CD5L: variants seen among roughly 807,000 people sequenced by gnomAD.
The protein encoded by CD5L is CD5 molecule like, also known as CD5 antigen-like.
Under a neutral mutation model 40.8 loss-of-function variants are expected in CD5L, and 39 were observed. That is an observed-to-expected ratio of 0.96 (90% CI 0.74 to 1.25). The LOEUF is 1.25. Among genes scored for constraint, CD5L ranks in the 50% most tolerant of loss-of-function variants. The pLI, the probability that CD5L is intolerant of heterozygous loss-of-function variation, is 0.00. For missense variants in CD5L, 433 were observed against 435.9 expected (o/e 0.99, Z 0.06); for synonymous variants, 192 against 169.6 (o/e 1.13, Z -1.03).
downstream of CD5L, among the ~76,000 whole-genome samples, chr1:157,827,500 T>G (rs1317903746): frequency 6.6e-6 from 1 of 152,094 alleles, no homozygotes; most frequent in Non-Finnish European, 1.5e-5. Context: ...CAAGTATAAG[T>G]CCCAGTCCAA....
downstream of CD5L, among the ~76,000 whole-genome samples, chr1:157,829,632 A>G (rs1316452615): frequency 3.3e-5 from 5 of 152,246 alleles, no homozygotes; most frequent in Non-Finnish European, 5.9e-5. Context: ...TATAAATGCA[A>G]TGAGAGTCTA....
At position 157,841,798 on chromosome 1, in the gene CD5L, G is replaced by C. The variant is rs1350811224; in HGVS notation, c.-97C>G. On this transcript the variant is annotated 5_prime_UTR_variant, in exon 1 of 6. Transcript: ENST00000368174. ...TTTAGCTGCAAGTATGTTAAGAGGA[G>C]GGACAAAGACAGGTCCTGAGTGCAG... 11 of 1,038,222 alleles carry C rather than the reference G, an allele frequency of 1.1e-5. No homozygotes were observed. The highest frequency in any genetic ancestry group is 1.5e-6 in the Non-Finnish European group (1 of 675,976). 64.3% of individuals were successfully genotyped at this position (1,038,222 alleles called of 1,614,324 possible). A position where few individuals can be genotyped will look rare whatever the true frequency, so the allele number is the denominator to read the frequency against.
In CD5L at chr1:157,834,495, T is replaced by C. The variant is rs1192712088; in HGVS notation, c.630A>G (p.Gly210=). The C allele has an allele frequency of 6.2e-7, 1 of 1,614,098 alleles. No homozygotes were observed. Among genetic ancestry groups the C allele is most frequent in the Non-Finnish European group, 8.5e-7 (1 of 1,180,048 alleles). ...PIWLSQMSCS[G]REATLQDCPS... is the part of the protein sequence containing the mutation. The stretch of plus-strand genomic sequence containing the variant: ...GGCAATCCTGAAGGGTTGCTTCTCG[T>C]CCTGAGCATGACATCTGGCTCAGCC... Residue 210 remains glycine, a synonymous_variant, in exon 4 of 6, where the codon GGA becomes GGG. Coordinates refer to ENST00000368174, the MANE Select transcript of CD5L (RefSeq NM_005894.3).
In CD5L at chr1:157,834,750, T is replaced by C; in HGVS notation, c.377-2A>G. ...CTGGGGAGAAAGAGCTCTCTGGGTC[T>C]GAGGGGAAAGAAAGAGAGCGTGTCT... On this transcript the variant is annotated splice_acceptor_variant, in intron 3 of 5. Coordinates refer to ENST00000368174, the MANE Select transcript of CD5L (RefSeq NM_005894.3). LOFTEE classifies it high-confidence loss of function. The C allele has an allele frequency of 6.2e-7, 1 of 1,610,390 alleles. No homozygotes were observed. Among genetic ancestry groups the C allele is most frequent in the South Asian group, 1.1e-5 (1 of 90,990 alleles).
downstream of CD5L, among the ~76,000 whole-genome samples, chr1:157,829,141 A>C (rs1461201959): frequency 1.3e-5 from 2 of 152,240 alleles, no homozygotes; most frequent in African/African-American, 2.4e-5. Flanking sequence ...TTGTTAGAGG[A>C]CAAGAGTAGC....
At chr1:157,840,267 G>A (rs1656332790) in intron 1 of CD5L, among the ~76,000 whole-genome samples, 1 of 152,018 alleles carries the variant, frequency 6.6e-6, no homozygotes. Flanking sequence ...CAGGATCTCT[G>A]TATATTTGGA....
chr1:157,828,035 G>A (rs760907438), downstream of CD5L, among the ~76,000 whole-genome samples: 10 of 152,226 alleles, frequency 6.6e-5, no homozygotes, highest in Non-Finnish European at 1.5e-4. Context: ...CCATTTCACA[G>A]TATAACTCAA....
chr1:157,835,241 A>G (rs2101938066), intron 3 of CD5L, among the ~76,000 whole-genome samples: 1 of 152,360 alleles, frequency 6.6e-6, no homozygotes, highest in African/African-American at 2.4e-5. Flanking sequence ...AAGAGGAGCC[A>G]TGGACTAGCT....
chr1:157,841,596 G>A, intron 1 of CD5L, 78 bp downstream of exon 1: 6 of 1,243,220 alleles, frequency 4.8e-6, no homozygotes, highest in African/African-American at 1.5e-5. Flanking sequence ...TCTGTTCCAG[G>A]TTGGCGGGGA....
At chr1:157,827,818 G>A (rs1409177188), downstream of CD5L, among the ~76,000 whole-genome samples, 1 of 152,188 alleles carries the variant, frequency 6.6e-6, no homozygotes, top group Non-Finnish European at 1.5e-5. Context: ...AAATAACTAA[G>A]ACAGAGCTCA....
At chr1:157,830,103 C>T (rs973883373), downstream of CD5L, among the ~76,000 whole-genome samples, 1 of 152,186 alleles carries the variant, frequency 6.6e-6, no homozygotes, top group African/African-American at 2.4e-5. Context: ...GGTTAGGATG[C>T]AGAAACACAC....
chr1:157,831,724 G>C lies in CD5L; in HGVS notation c.*240C>G. On this transcript the variant is annotated 3_prime_UTR_variant, in exon 6 of 6. Coordinates refer to ENST00000368174, the MANE Select transcript of CD5L (RefSeq NM_005894.3). ...GTCAAAGGGTCAGGGTTGAGCACAGGATACATGGAAGCTCATCTTCCCCAG... is the reference window on the plus strand; with the variant it reads ...GTCAAAGGGTCAGGGTTGAGCACAGCATACATGGAAGCTCATCTTCCCCAG... The C allele has an allele frequency of 1.6e-6, 2 of 1,265,800 alleles. No individual in the cohort carries two copies. The highest frequency in any genetic ancestry group is 3.1e-5 in the East Asian group (1 of 31,804). 78.4% of individuals were successfully genotyped at this position (1,265,800 alleles called of 1,614,324 possible).
At chr1:157,834,323 T>C (rs1656131311) in intron 4 of CD5L, 84 bp downstream of exon 4, 3 of 1,137,274 alleles carry the variant, frequency 2.6e-6, no homozygotes, top group Admixed American at 5.0e-5. Context: ...GGTGCGTTAG[T>C]AGCTCTTTGT....
At chr1:157,829,769 T>A (rs931157185), downstream of CD5L, among the ~76,000 whole-genome samples, 2 of 152,118 alleles carry the variant, frequency 1.3e-5, no homozygotes, top group Non-Finnish European at 2.9e-5. Context: ...CCAACATAAG[T>A]CAATCAAAAA....
chr1:157,827,831 C>A (rs1034278254), downstream of CD5L, among the ~76,000 whole-genome samples: 6 of 152,154 alleles, frequency 3.9e-5, no homozygotes, highest in African/African-American at 9.7e-5. Flanking sequence ...AGAGCTCAAC[C>A]AGAGGAATCT....
intron 5 of CD5L, among the ~76,000 whole-genome samples, chr1:157,832,314 C>T (rs576494516): frequency 2.6e-5 from 4 of 152,342 alleles, no homozygotes; most frequent in Non-Finnish European, 4.4e-5. Flanking sequence ...CATTACACAG[C>T]TTCAAAGTAG....
chr1:157,833,173 C>G lies in CD5L; in HGVS notation c.1039+19G>C. On this transcript the variant is annotated intron_variant, in intron 5 of 5. Transcript: ENST00000368174. ...CATCCTCCTTGCCAGCCCTTATGAA[C>G]TCCATCTGTAGGACTCACCTGAGCA... The G allele has an allele frequency of 6.3e-7, 1 of 1,585,052 alleles. No homozygotes were observed. Among genetic ancestry groups the G allele is most frequent in the Non-Finnish European group, 8.6e-7 (1 of 1,157,918 alleles).
intron 5 of CD5L, 51 bp downstream of exon 5, chr1:157,833,141 C>T (rs922687959): frequency 7.0e-7 from 1 of 1,430,924 alleles, no homozygotes; most frequent in African/African-American, 1.4e-5. Flanking sequence ...ATTTCCTCTT[C>T]CTTTATCATC....
intron 4 of CD5L, 32 bp downstream of exon 4, chr1:157,834,375 A>G: frequency 6.5e-7 from 1 of 1,543,842 alleles, no homozygotes; most frequent in Non-Finnish European, 8.9e-7. Flanking sequence ...AAATCCATGA[A>G]TAAACCTAGT....
Sources: allele counts gnomAD v4.1 joint callset (sites outside exome capture counted in the v4.1 genomes callset), GRCh38; gene constraint gnomAD v4.1.1; transcripts MANE v1.5; gene names NCBI Gene and HGNC (gene_info 2026-07-23, HGNC 2026-07-21).